Variants in CLPB observed in about 807,000 individuals in gnomAD.
CLPB encodes ClpB family mitochondrial disaggregase.
A neutral mutation model predicts 78.4 loss-of-function variants in CLPB; 40 were observed. The observed-to-expected ratio is 0.51, with a 90% CI of 0.40 to 0.66. The LOEUF (loss-of-function observed/expected upper bound fraction) is 0.66, where lower values mean the gene tolerates loss of function less well. CLPB is among the 30% of genes least tolerant of loss of function. The probability of loss-of-function intolerance (pLI) is 0.00; values close to 1 mark genes in which losing one functional copy is unlikely to be tolerated. For synonymous variants in CLPB, 333 were observed against 348.0 expected, an observed-to-expected ratio of 0.96 and a Z score of 0.48; for missense variants, 780 against 886.9, an observed-to-expected ratio of 0.88 and a Z score of 1.53.
chr11:72,409,850 G>A (rs565665819), intron 2 of CLPB, among the ~76,000 whole-genome samples: 8 of 152,076 alleles, frequency 5.3e-5, no homozygotes, highest in African/African-American at 7.2e-5. Context: ...GGTGGCGCAC[G>A]CCTGTAATCC....
chr11:72,329,729 A>T lies in CLPB; in HGVS notation c.851T>A (p.Leu284His), dbSNP rs1327835038. ...TACCTTGGCTTCAGAAGTCCTCAGA[A>T]GCTTCATCACTTCCCCTTCTCGGGC... ...DYAREGEVMKLLRTSEAKYQE... is the reference protein window; with the variant it reads ...DYAREGEVMKHLRTSEAKYQE... Residue 284 changes from leucine to histidine, a missense_variant, in exon 6 of 16, where the codon CTT becomes CAT. Leu to His is a moderately conservative substitution (Grantham distance 99). Transcript: ENST00000538039. The T allele has an allele frequency of 6.2e-7, 1 of 1,613,952 alleles. No individual in the cohort carries two copies. The highest frequency in any genetic ancestry group is 1.3e-5 in the African/African-American group (1 of 75,022).
intron 4 of CLPB, among the ~76,000 whole-genome samples, chr11:72,369,375 G>A (rs1215642612): frequency 6.6e-6 from 1 of 152,062 alleles, no homozygotes; most frequent in African/African-American, 2.4e-5. Context: ...GATTCCCTTA[G>A]ATTTGTCCTA....
intron 2 of CLPB, among the ~76,000 whole-genome samples, chr11:72,420,613 G>A (rs1405120329): frequency 6.6e-6 from 1 of 152,190 alleles, no homozygotes. Flanking sequence ...GTGTTGTGAG[G>A]GAGAGAAGGA....
At chr11:72,324,684 C>A (rs950259626) in intron 6 of CLPB, among the ~76,000 whole-genome samples, 2 of 152,234 alleles carry the variant, frequency 1.3e-5, no homozygotes, top group African/African-American at 4.8e-5. Flanking sequence ...GGGCCAAGTA[C>A]AGAGCCAGGC....
In CLPB at chr11:72,434,501, G is replaced by A. The variant is rs1856659892; in HGVS notation, c.-27C>T. ...TTGACAGCTGCTTCGATAACCCCGTGGTGCCGGCCCCTGTGCTGACCACGT... is the reference window on the plus strand; with the variant it reads ...TTGACAGCTGCTTCGATAACCCCGTAGTGCCGGCCCCTGTGCTGACCACGT... On this transcript the variant is annotated 5_prime_UTR_variant, in exon 1 of 16. Transcript: ENST00000538039. 2.0e-6 allele frequency: 3 copies of A among 1,521,068 alleles called. No homozygotes were observed. Among genetic ancestry groups the A allele is most frequent in the Non-Finnish European group, 2.6e-6 (3 of 1,133,930 alleles). The allele number at this position is 1,521,068 out of a possible 1,614,324, so 94.2% of individuals were successfully genotyped here. A position where few individuals can be genotyped will look rare whatever the true frequency, so the allele number is the denominator to read the frequency against.
At chr11:72,394,575 C>T (rs1162533727) in intron 3 of CLPB, among the ~76,000 whole-genome samples, 1 of 152,192 alleles carries the variant, frequency 6.6e-6, no homozygotes, top group Non-Finnish European at 1.5e-5. Flanking sequence ...GCACTGATTT[C>T]CAGGGAGCAG....
intron 6 of CLPB, among the ~76,000 whole-genome samples, chr11:72,318,816 A>C (rs1397334769): frequency 6.6e-6 from 1 of 152,162 alleles, no homozygotes; most frequent in African/African-American, 2.4e-5. Context: ...TGGAATCCAG[A>C]GTGTCACTGT....
rs1273124413 is a variant in CLPB, at chr11:72,372,875, T to C, written c.646+7406A>G. 6 of 1,501,124 alleles carry C rather than the reference T, an allele frequency of 4.0e-6. No homozygotes were observed. In the South Asian group the frequency reaches 6.8e-5, roughly 17 times the overall value. 93.0% of individuals were successfully genotyped at this position (1,501,124 alleles called of 1,614,324 possible). On this transcript the variant is annotated intron_variant, in intron 4 of 15. Coordinates refer to ENST00000538039, the MANE Select transcript of CLPB (RefSeq NM_001258392.3). ...AGAGATAGTCAGATGAGACCATCCT[T>C]GGCATGTCCTGGGGAGGGGGAGAAA...
intron 2 of CLPB, among the ~76,000 whole-genome samples, chr11:72,410,425 A>G (rs1457279335): frequency 1.3e-5 from 2 of 152,228 alleles, no homozygotes; most frequent in Non-Finnish European, 2.9e-5. Context: ...TATGTCACAT[A>G]GGGGTGCTAT....
At chr11:72,381,914 G>A (rs1266978024) in intron 3 of CLPB, among the ~76,000 whole-genome samples, 2 of 152,104 alleles carry the variant, frequency 1.3e-5, no homozygotes, top group Non-Finnish European at 2.9e-5. Flanking sequence ...CATCCCAGTA[G>A]ACCCAGTACT....
At chr11:72,429,484 C>A (rs978994626) in intron 2 of CLPB, among the ~76,000 whole-genome samples, 1 of 152,212 alleles carries the variant, frequency 6.6e-6, no homozygotes, top group Non-Finnish European at 1.5e-5. Context: ...GCCACCCCAA[C>A]ACCTGACTTC....
At chr11:72,293,837 C>T (rs1261320315) in intron 15 of CLPB, among the ~76,000 whole-genome samples, 185 bp downstream of exon 15, 3 of 152,218 alleles carry the variant, frequency 2.0e-5, no homozygotes, top group Admixed American at 2.0e-4. Context: ...TCATACTGGG[C>T]TACCCTCCAG....
intron 5 of CLPB, among the ~76,000 whole-genome samples, chr11:72,333,772 T>C (rs1386429604): frequency 6.6e-6 from 1 of 152,048 alleles, no homozygotes; most frequent in Admixed American, 6.5e-5. Context: ...CCCCACTGAG[T>C]TGCTTTCTCT....
chr11:72,324,521 G>A (rs1203232271), intron 6 of CLPB, among the ~76,000 whole-genome samples: 5 of 151,976 alleles, frequency 3.3e-5, no homozygotes, highest in Non-Finnish European at 7.4e-5. Context: ...AGCTGAGACC[G>A]TGCCCTGCAC....
At chr11:72,380,056 C>T (rs1431306690) in intron 4 of CLPB, among the ~76,000 whole-genome samples, 2 of 152,150 alleles carry the variant, frequency 1.3e-5, no homozygotes, top group Non-Finnish European at 2.9e-5. Context: ...TGAAATCAGG[C>T]CTCTATTTCT....
intron 1 of CLPB, among the ~76,000 whole-genome samples, chr11:72,430,925 G>A (rs971437677): frequency 2.6e-5 from 4 of 152,170 alleles, no homozygotes; most frequent in Admixed American, 6.5e-5. Context: ...GACCATGACA[G>A]CTCCTCTCTC....
intron 5 of CLPB, among the ~76,000 whole-genome samples, chr11:72,332,603 C>T (rs1390277814): frequency 6.6e-6 from 1 of 152,188 alleles, no homozygotes; most frequent in Non-Finnish European, 1.5e-5. Context: ...TCACCCTCCT[C>T]CAAAAGAAAT....
At chr11:72,331,423 A>T (rs1477543903) in intron 5 of CLPB, among the ~76,000 whole-genome samples, 1 of 151,616 alleles carries the variant, frequency 6.6e-6, no homozygotes, top group East Asian at 2.0e-4. Context: ...AAAAAATTTT[A>T]AGAGACAGGG....
chr11:72,403,368 T>C (rs911039403), intron 2 of CLPB, among the ~76,000 whole-genome samples: 6 of 152,142 alleles, frequency 3.9e-5, no homozygotes, highest in African/African-American at 1.4e-4. Flanking sequence ...AAAAGAATGG[T>C]CCCTCCCTAA....
Sources: gnomAD v4.1 joint callset for allele counts (sites outside exome capture counted in the v4.1 genomes callset) on GRCh38, gnomAD v4.1.1 for gene constraint, MANE v1.5 for transcripts, NCBI Gene and HGNC (gene_info 2026-07-23, HGNC 2026-07-21) for gene names.